Variants in RIMS2 observed in about 807,000 individuals in gnomAD.
RIMS2 encodes regulating synaptic membrane exocytosis protein 2.
In RIMS2, 59 loss-of-function variants were observed where a neutral mutation model predicts 174.4. The ratio of observed to expected loss-of-function variants is 0.34; its 90% CI spans 0.27 to 0.42. RIMS2 has a LOEUF of 0.42. Ranked by LOEUF, RIMS2 falls within the 10% of genes least tolerant of loss-of-function variation. The probability of loss-of-function intolerance (pLI) is 1.00; values close to 1 mark genes in which losing one functional copy is unlikely to be tolerated. For missense variants in RIMS2, 1,620 were observed against 1,666.3 expected (o/e 0.97, Z 0.48); for synonymous variants, 606 against 572.5 (o/e 1.06, Z -0.84).
intron 3 of RIMS2, among the ~76,000 whole-genome samples, chr8:103,796,023 A>G (rs943096151): frequency 6.6e-6 from 1 of 152,126 alleles, no homozygotes; most frequent in Non-Finnish European, 1.5e-5. Context: ...ATACTTAGGT[A>G]TCATTTTTCT....
At position 103,978,563 on chromosome 8, in the gene RIMS2, A is replaced by G. The variant is rs187873222; in HGVS notation, c.2927+3057A>G. 2.0e-3 allele frequency among the ~76,000 whole-genome samples: 304 copies of G among 152,374 alleles called. 1 individual carries two copies. The highest frequency in any genetic ancestry group is 4.0e-3 in the Non-Finnish European group (269 of 68,030). On this transcript the variant is annotated intron_variant, in intron 16 of 23. Transcript: ENST00000504942. The stretch of plus-strand genomic sequence containing the variant: ...TAGAATTTTGCTCAATTGTATGCTC[A>G]TAAGGCCATTTCTGTAAAGAAGCAG...
chr8:103,532,337 G>A (rs144101354), intron 1 of RIMS2, among the ~76,000 whole-genome samples: 1,534 of 152,262 alleles, frequency 0.01, 19 homozygotes, highest in Non-Finnish European at 0.016. Flanking sequence ...CCAGGAGTCA[G>A]CAAATACTGC....
At chr8:104,121,024 C>T (rs548958408) in intron 19 of RIMS2, among the ~76,000 whole-genome samples, 1 of 152,196 alleles carries the variant, frequency 6.6e-6, no homozygotes, top group African/African-American at 2.4e-5. Context: ...TTCTTTCTCT[C>T]TCTTTTTTTT....
intron 19 of RIMS2, among the ~76,000 whole-genome samples, chr8:104,016,590 G>A (rs189524283): frequency 2.0e-5 from 3 of 151,992 alleles, no homozygotes; most frequent in Admixed American, 6.6e-5. Flanking sequence ...TAAAATTGGG[G>A]GCATAGAATT....
chr8:103,983,241 G>A (rs2094066968), intron 16 of RIMS2, among the ~76,000 whole-genome samples: 1 of 152,172 alleles, frequency 6.6e-6, no homozygotes, highest in South Asian at 2.1e-4. Context: ...GCAAGAAATT[G>A]AAGATGGCAC....
chr8:103,610,574 C>T (rs999801462), intron 1 of RIMS2, among the ~76,000 whole-genome samples: 7 of 152,074 alleles, frequency 4.6e-5, no homozygotes, highest in Admixed American at 6.5e-5. Flanking sequence ...CCTTTCCTGC[C>T]TCTATTGCGA....
intron 4 of RIMS2, among the ~76,000 whole-genome samples, chr8:103,892,794 G>A (rs2099254604): frequency 6.6e-6 from 1 of 152,014 alleles, no homozygotes; most frequent in South Asian, 2.1e-4. Flanking sequence ...ATAGCCATGA[G>A]CCACTGCACC....
At chr8:103,562,275 G>A (rs551351657) in intron 1 of RIMS2, among the ~76,000 whole-genome samples, 3 of 152,280 alleles carry the variant, frequency 2.0e-5, no homozygotes, top group East Asian at 1.9e-4. Flanking sequence ...TTCTGCCTAC[G>A]AGCCTGTAAA....
intron 4 of RIMS2, among the ~76,000 whole-genome samples, chr8:103,905,756 G>T (rs2074253199): frequency 6.8e-6 from 1 of 146,416 alleles, no homozygotes; most frequent in Non-Finnish European, 1.5e-5. Flanking sequence ...GGCCCTTGAG[G>T]CTCCGTTCAT....
intron 19 of RIMS2, among the ~76,000 whole-genome samples, chr8:104,185,476 T>C (rs535916181): frequency 2.4e-4 from 37 of 151,612 alleles, no homozygotes; most frequent in Non-Finnish European, 5.2e-4. Flanking sequence ...GAGGCGCTAA[T>C]GCAAATAGTA....
At chr8:104,059,262 T>C (rs2096931839) in intron 19 of RIMS2, among the ~76,000 whole-genome samples, 1 of 149,948 alleles carries the variant, frequency 6.7e-6, no homozygotes, top group Admixed American at 6.6e-5. Context: ...TGGTTTGTAG[T>C]TCTCCTTGAA....
chr8:104,071,718 G>A (rs758624185), intron 19 of RIMS2, among the ~76,000 whole-genome samples: 7 of 152,110 alleles, frequency 4.6e-5, no homozygotes, highest in Non-Finnish European at 7.4e-5. Flanking sequence ...TTACAGGCAT[G>A]AGCCACCACG....
At chr8:104,123,203 G>A (rs1414316756) in intron 19 of RIMS2, among the ~76,000 whole-genome samples, 2 of 151,924 alleles carry the variant, frequency 1.3e-5, no homozygotes, top group Non-Finnish European at 2.9e-5. Flanking sequence ...ATGGTATAAT[G>A]CTAACTTTCA....
At chr8:103,761,547 T>C (rs761523747) in intron 2 of RIMS2, among the ~76,000 whole-genome samples, 2 of 152,180 alleles carry the variant, frequency 1.3e-5, no homozygotes, top group Non-Finnish European at 2.9e-5. Context: ...AGCATGAAGA[T>C]AGCACATGAG....
At chr8:103,642,147 CTCT>C (rs1463005335) in intron 1 of RIMS2, among the ~76,000 whole-genome samples, 3 of 152,064 alleles carry the variant, frequency 2.0e-5, no homozygotes, top group Non-Finnish European at 4.4e-5. Flanking sequence ...ATTTTTCTCT[CTCT>C]TCTTTTGCTT....
intron 3 of RIMS2, among the ~76,000 whole-genome samples, chr8:103,841,136 C>G (rs1167578544): frequency 6.6e-6 from 1 of 152,200 alleles, no homozygotes; most frequent in African/African-American, 2.4e-5. Flanking sequence ...CTGAGCTCAT[C>G]TAGGTCCTTA....
At chr8:103,996,633 G>A (rs1050479560) in intron 17 of RIMS2, among the ~76,000 whole-genome samples, 3 of 151,888 alleles carry the variant, frequency 2.0e-5, no homozygotes, top group South Asian at 4.1e-4. Context: ...ACTCATATAG[G>A]TGAGAGACCA....
intron 3 of RIMS2, among the ~76,000 whole-genome samples, chr8:103,879,840 T>C (rs2099158956): frequency 6.6e-6 from 1 of 151,692 alleles, no homozygotes; most frequent in Non-Finnish European, 1.5e-5. Flanking sequence ...GTAATATTAG[T>C]ATCCAGATAA....
intron 1 of RIMS2, among the ~76,000 whole-genome samples, chr8:103,610,493 G>A (rs2095330027): frequency 6.6e-6 from 1 of 152,126 alleles, no homozygotes; most frequent in Non-Finnish European, 1.5e-5. Context: ...TTATTATTTT[G>A]ACGTATGTTC....
Sources: allele counts gnomAD v4.1 joint callset (sites outside exome capture counted in the v4.1 genomes callset), GRCh38; gene constraint gnomAD v4.1.1; transcripts MANE v1.5; gene names NCBI Gene and HGNC (gene_info 2026-07-23, HGNC 2026-07-21).